KCNIP4: variants seen among roughly 807,000 people sequenced by gnomAD.
The protein encoded by KCNIP4 is Kv channel-interacting protein 4.
A neutral mutation model predicts 34.0 loss-of-function variants in KCNIP4; 12 were observed. That is an observed-to-expected ratio of 0.35 (90% confidence interval 0.23 to 0.57). KCNIP4 has a LOEUF of 0.57. Ranked by LOEUF, KCNIP4 falls within the 20% of genes least tolerant of loss-of-function variation. The probability of loss-of-function intolerance (pLI) is 0.83; values close to 1 mark genes in which losing one functional copy is unlikely to be tolerated. For missense variants in KCNIP4, 238 were observed against 311.7 expected, an observed-to-expected ratio of 0.76 and a Z score of 1.78; for synonymous variants, 124 against 102.2, an observed-to-expected ratio of 1.21 and a Z score of -1.29.
intron 1 of KCNIP4, among the ~76,000 whole-genome samples, chr4:21,944,298 C>T (rs1730368004): frequency 6.6e-6 from 1 of 151,866 alleles, no homozygotes; most frequent in South Asian, 2.1e-4. Context: ...AATCCTAGCA[C>T]TTTGGGAGGC....
At chr4:20,975,362 G>T (rs1735376862) in intron 1 of KCNIP4, among the ~76,000 whole-genome samples, 1 of 152,084 alleles carries the variant, frequency 6.6e-6, no homozygotes, top group African/African-American at 2.4e-5. Context: ...ATAAGAGTTT[G>T]CAAACTCAAT....
At chr4:20,852,331 T>C (rs552434331) in intron 2 of KCNIP4, among the ~76,000 whole-genome samples, 1 of 152,180 alleles carries the variant, frequency 6.6e-6, no homozygotes, top group Non-Finnish European at 1.5e-5. Flanking sequence ...CATACGCAAG[T>C]CAATAAATGT....
intron 1 of KCNIP4, among the ~76,000 whole-genome samples, chr4:21,485,228 A>T (rs554805305): frequency 1.4e-4 from 21 of 152,324 alleles, no homozygotes; most frequent in Admixed American, 1.2e-3. Context: ...AGCAGTAACA[A>T]GTTATGTAAT....
At chr4:20,951,449 C>G (rs575870452) in intron 1 of KCNIP4, among the ~76,000 whole-genome samples, 2 of 152,012 alleles carry the variant, frequency 1.3e-5, no homozygotes, top group Admixed American at 6.6e-5. Context: ...ATAATACTAA[C>G]GAGAAAAAGT....
intron 1 of KCNIP4, among the ~76,000 whole-genome samples, chr4:21,185,874 C>A (rs543923383): frequency 6.6e-6 from 1 of 152,268 alleles, no homozygotes; most frequent in African/African-American, 2.4e-5. Context: ...ATTGCCACTG[C>A]CTGGGCACAA....
chr4:21,945,671 A>G (rs1349061941), intron 1 of KCNIP4, among the ~76,000 whole-genome samples: 1 of 152,044 alleles, frequency 6.6e-6, no homozygotes, highest in East Asian at 1.9e-4. Context: ...AAGGACACCA[A>G]TGAATAATTT....
At position 21,918,675 on chromosome 4, in the gene KCNIP4, A is replaced by G. The variant is rs115196799; in HGVS notation, c.61+29896T>C. The stretch of plus-strand genomic sequence containing the variant: ...ATAACAGTGGTGCGTTTTATTTGAA[A>G]CAAATTTCTAATTTTCATAGGGAGA... On this transcript the variant is annotated intron_variant, in intron 1 of 8. Transcript: ENST00000382152. Among the ~76,000 whole-genome samples the G allele has an allele frequency of 7.0e-3, 1,065 of 152,302 alleles. 16 individuals are homozygous for G. The highest frequency in any genetic ancestry group is 0.024 in the African/African-American group (1,013 of 41,554).
chr4:20,983,684 A>T lies in KCNIP4; in HGVS notation c.62-100975T>A, dbSNP rs961187681. The T allele has an allele frequency of 4.5e-5, 31 of 685,260 alleles. No homozygotes were observed. The African/African-American group carries it at 4.7e-4, about 10-fold the overall frequency. The allele number at this position is 685,260 out of a possible 1,614,324, so 42.4% of individuals were successfully genotyped here. A position where few individuals can be genotyped will look rare whatever the true frequency, so the allele number is the denominator to read the frequency against. On this transcript the variant is annotated intron_variant, in intron 1 of 8. Transcript: ENST00000382152. ...CAAAATGAACTGTCCAGCCACTAGG[A>T]TGCTCTATGCCAAACATGCATATTT...
At chr4:20,848,237 G>C (rs1328982536) in intron 3 of KCNIP4, among the ~76,000 whole-genome samples, 1 of 152,034 alleles carries the variant, frequency 6.6e-6, no homozygotes, top group Non-Finnish European at 1.5e-5. Flanking sequence ...TCATGGGGCA[G>C]GGTGAGATGG....
At chr4:21,350,603 C>G (rs1717911615) in intron 1 of KCNIP4, among the ~76,000 whole-genome samples, 1 of 152,204 alleles carries the variant, frequency 6.6e-6, no homozygotes, top group South Asian at 2.1e-4. Context: ...GAGCTCTAAT[C>G]TACGAGTGGA....
intron 1 of KCNIP4, among the ~76,000 whole-genome samples, chr4:21,138,884 C>T (rs1032697969): frequency 3.3e-5 from 5 of 152,122 alleles, no homozygotes; most frequent in Admixed American, 2.6e-4. Context: ...AAAGGCAAGA[C>T]GGATTCTCCC....
chr4:21,192,557 T>A (rs1755729146), intron 1 of KCNIP4, among the ~76,000 whole-genome samples: 1 of 152,132 alleles, frequency 6.6e-6, no homozygotes, highest in Non-Finnish European at 1.5e-5. Context: ...GGTTTCTTAT[T>A]CAGCCGTATA....
At chr4:21,052,760 T>G (rs1479574077) in intron 1 of KCNIP4, among the ~76,000 whole-genome samples, 1 of 152,178 alleles carries the variant, frequency 6.6e-6, no homozygotes, top group Non-Finnish European at 1.5e-5. Flanking sequence ...GATCATCTGT[T>G]GACTTGAATC....
chr4:20,876,927 G>A (rs1397728262), intron 2 of KCNIP4, among the ~76,000 whole-genome samples: 2 of 152,140 alleles, frequency 1.3e-5, no homozygotes, highest in Non-Finnish European at 2.9e-5. Context: ...CTCTTAGTGT[G>A]ACTGACTCTA....
chr4:21,054,928 A>C (rs2108957182), intron 1 of KCNIP4, among the ~76,000 whole-genome samples: 1 of 152,292 alleles, frequency 6.6e-6, no homozygotes, highest in South Asian at 2.1e-4. Context: ...GGACTTCATT[A>C]AAATTAAAAC....
chr4:21,365,537 G>T (rs139771984), intron 1 of KCNIP4, among the ~76,000 whole-genome samples: 8 of 18,834 alleles, frequency 4.2e-4, no homozygotes, highest in South Asian at 1.7e-3. Flanking sequence ...AATAAAGAAA[G>T]AAAAGAAAAA....
intron 1 of KCNIP4, among the ~76,000 whole-genome samples, chr4:21,054,281 G>C (rs1362852649): frequency 6.6e-6 from 1 of 152,110 alleles, no homozygotes; most frequent in Non-Finnish European, 1.5e-5. Context: ...CACTTTGGGA[G>C]GCTGAGGTGG....
intron 1 of KCNIP4, among the ~76,000 whole-genome samples, chr4:21,500,513 T>A (rs1038964264): frequency 1.3e-5 from 2 of 152,180 alleles, no homozygotes; most frequent in African/African-American, 4.8e-5. Flanking sequence ...AGAGCAGATA[T>A]GGATTCCAAT....
chr4:21,444,656 C>A (rs1054644934), intron 1 of KCNIP4, among the ~76,000 whole-genome samples: 1 of 152,138 alleles, frequency 6.6e-6, no homozygotes, highest in Admixed American at 6.5e-5. Flanking sequence ...ATGATAACCC[C>A]ATAGCCAATA....
Sources: gnomAD v4.1 joint callset for allele counts (sites outside exome capture counted in the v4.1 genomes callset) on GRCh38, gnomAD v4.1.1 for gene constraint, MANE v1.5 for transcripts, NCBI Gene and HGNC (gene_info 2026-07-23, HGNC 2026-07-21) for gene names.